Variants in SRD5A2 observed in about 807,000 individuals in gnomAD.
SRD5A2 encodes the protein steroid 5 alpha-reductase 2.
In SRD5A2, 30 loss-of-function variants were observed where a neutral mutation model predicts 27.4. That is an observed-to-expected ratio of 1.10 (90% confidence interval 0.82 to 1.49). SRD5A2 has a LOEUF of 1.49. SRD5A2 is among the 40% of genes most tolerant of loss of function. The probability of loss-of-function intolerance (pLI) is 0.00; values close to 1 mark genes in which losing one functional copy is unlikely to be tolerated. For synonymous variants in SRD5A2, 141 were observed against 133.6 expected, an observed-to-expected ratio of 1.06 and a Z score of -0.38; for missense variants, 348 against 323.4, an observed-to-expected ratio of 1.08 and a Z score of -0.58.
At chr2:31,601,922 C>G in the SRD5A2 span, among the ~76,000 whole-genome samples, 2 of 151,950 alleles carry the variant, frequency 1.3e-5, no homozygotes, top group African/African-American at 4.8e-5. Flanking sequence ...ATAATAGGAG[C>G]CATATATGAC....
chr2:31,605,663 A>G, the SRD5A2 span, among the ~76,000 whole-genome samples: 3 of 151,794 alleles, frequency 2.0e-5, no homozygotes, highest in Non-Finnish European at 4.4e-5. Context: ...TGGTAAGGAT[A>G]TGGAGAAAAG....
chr2:31,533,745 G>T lies in SRD5A2; in HGVS notation c.303C>A (p.Leu101=). Residue 101 remains leucine, a synonymous_variant, in exon 2 of 5, where the codon CTC becomes CTA. Transcript: ENST00000622030. ...YFHRTFVYSL[L]NRGRPYPAIL... is the part of the protein sequence containing the mutation. ...TAGCTGGATAAGGCCTCCCTCGATTGAGCAGTGAGTACACAAATGTCCTGG... is the reference window on the plus strand; with the variant it reads ...TAGCTGGATAAGGCCTCCCTCGATTTAGCAGTGAGTACACAAATGTCCTGG... 1 of 1,603,690 alleles carries T rather than the reference G, an allele frequency of 6.2e-7. No homozygotes were observed. The highest frequency in any genetic ancestry group is 8.5e-7 in the Non-Finnish European group (1 of 1,175,170).
intron 1 of SRD5A2, among the ~76,000 whole-genome samples, chr2:31,557,721 TG>T: frequency 6.6e-6 from 1 of 152,174 alleles, no homozygotes; most frequent in East Asian, 1.9e-4. Flanking sequence ...CCTAGAAATC[TG>T]GAGTACAGCA....
the SRD5A2 span, among the ~76,000 whole-genome samples, chr2:31,614,058 T>C: frequency 4.1e-4 from 63 of 152,330 alleles, no homozygotes; most frequent in East Asian, 0.011. Flanking sequence ...TCAAATCTCA[T>C]GTCCTCAGGT....
At chr2:31,617,212 G>A in the SRD5A2 span, among the ~76,000 whole-genome samples, 1 of 152,074 alleles carries the variant, frequency 6.6e-6, no homozygotes, top group African/African-American at 2.4e-5. Context: ...GACTAATACA[G>A]CCACCAAGGC....
the SRD5A2 span, among the ~76,000 whole-genome samples, chr2:31,618,237 A>G: frequency 6.6e-6 from 1 of 152,282 alleles, no homozygotes; most frequent in East Asian, 1.9e-4. Context: ...AACTGTCCCC[A>G]TGTTTCAATT....
intron 1 of SRD5A2, among the ~76,000 whole-genome samples, chr2:31,577,605 C>T (rs537506502): frequency 3.6e-4 from 55 of 152,298 alleles, no homozygotes; most frequent in African/African-American, 1.3e-3. Context: ...CTGCTTTGAA[C>T]AGTCCCCAAT....
upstream of SRD5A2, among the ~76,000 whole-genome samples, chr2:31,583,614 GAAAAAAA>G (rs1215302510): frequency 5.2e-5 from 1 of 19,110 alleles, no homozygotes; most frequent in African/African-American, 1.1e-4. Flanking sequence ...CTCCTTCCAG[GAAAAAAA>G]AAAAAAACAA....
intron 1 of SRD5A2, among the ~76,000 whole-genome samples, chr2:31,539,814 T>A (rs749880071): frequency 1.3e-5 from 2 of 152,012 alleles, no homozygotes; most frequent in Non-Finnish European, 2.9e-5. Flanking sequence ...CAAACAGATA[T>A]CAGTGGAGGA....
chr2:31,615,138 T>G, the SRD5A2 span, among the ~76,000 whole-genome samples: 1 of 152,244 alleles, frequency 6.6e-6, no homozygotes, highest in African/African-American at 2.4e-5. Flanking sequence ...GTCTCAGGTA[T>G]GTCTTTATCA....
the SRD5A2 span, among the ~76,000 whole-genome samples, chr2:31,610,851 T>C: frequency 6.6e-6 from 1 of 152,182 alleles, no homozygotes; most frequent in East Asian, 1.9e-4. Context: ...CTCATGCCTG[T>C]AATCCCAGCA....
At chr2:31,642,805 T>C in the SRD5A2 span, among the ~76,000 whole-genome samples, 2 of 152,050 alleles carry the variant, frequency 1.3e-5, no homozygotes, top group African/African-American at 4.8e-5. Flanking sequence ...AATTGTATTC[T>C]ATATATTCCA....
rs1665756726 is a variant in SRD5A2, at chr2:31,525,452, C to T, written c.*744G>A. On this transcript the variant is annotated 3_prime_UTR_variant, in exon 5 of 5. Coordinates refer to ENST00000622030, the MANE Select transcript of SRD5A2 (RefSeq NM_000348.4). ...TGTTCTCTACTCTCTCATAAGCCAC[C>T]CAGGTTCATGCCTTTTTGTTTGTGG... The T allele has an allele frequency of 4.4e-6, 1 of 226,296 alleles. No individual in the cohort carries two copies. Among genetic ancestry groups the T allele is most frequent in the Admixed American group, 5.7e-5 (1 of 17,542 alleles). The allele number at this position is 226,296 out of a possible 1,614,324, so 14.0% of individuals were successfully genotyped here. A position where few individuals can be genotyped will look rare whatever the true frequency, so the allele number is the denominator to read the frequency against.
the SRD5A2 span, among the ~76,000 whole-genome samples, chr2:31,636,769 T>C: frequency 6.6e-6 from 1 of 152,270 alleles, no homozygotes; most frequent in South Asian, 2.1e-4. Flanking sequence ...TATGAAGTAT[T>C]ATATTTACTG....
intron 1 of SRD5A2, among the ~76,000 whole-genome samples, chr2:31,560,068 CT>C (rs1349965844): frequency 2.4e-4 from 18 of 76,262 alleles, no homozygotes; most frequent in Admixed American, 4.4e-4. Flanking sequence ...CCCCCCCCCC[CT>C]TTTTTTAAAA....
the SRD5A2 span, among the ~76,000 whole-genome samples, chr2:31,621,795 C>T: frequency 6.6e-6 from 1 of 151,968 alleles, no homozygotes. Context: ...TACCACCACC[C>T]CTGGCTAATT....
chr2:31,553,206 T>C (rs1301731683), intron 1 of SRD5A2, among the ~76,000 whole-genome samples: 1 of 152,098 alleles, frequency 6.6e-6, no homozygotes, highest in African/African-American at 2.4e-5. Context: ...AAAGACAAGT[T>C]ATTTGAAATT....
the SRD5A2 span, among the ~76,000 whole-genome samples, chr2:31,657,455 A>T: frequency 6.6e-6 from 1 of 152,208 alleles, no homozygotes; most frequent in Non-Finnish European, 1.5e-5. Flanking sequence ...CAGTGGCACA[A>T]TCGTAGCTCA....
chr2:31,532,598 G>A (rs528924235), intron 2 of SRD5A2, among the ~76,000 whole-genome samples: 2 of 152,186 alleles, frequency 1.3e-5, no homozygotes, highest in Admixed American at 6.5e-5. Context: ...AACACTCACC[G>A]TCCCACAAAG....
Sources: gnomAD v4.1 joint callset for allele counts (sites outside exome capture counted in the v4.1 genomes callset) on GRCh38, gnomAD v4.1.1 for gene constraint, MANE v1.5 for transcripts, NCBI Gene and HGNC (gene_info 2026-07-23, HGNC 2026-07-21) for gene names.